The following MAPK14 variants were observed in gnomAD, a reference collection of about 807,000 sequenced individuals.
MAPK14 encodes CSAID-binding protein.
MAPK14 carries 16 observed loss-of-function variants against 49.6 expected under a neutral mutation model. The observed-to-expected ratio is 0.32, with a 90% CI of 0.22 to 0.49. MAPK14 has a LOEUF of 0.49. Ranked by LOEUF, MAPK14 falls within the 20% of genes least tolerant of loss-of-function variation. MAPK14 has a pLI of 0.99. For synonymous variants in MAPK14, 142 were observed against 158.0 expected, an observed-to-expected ratio of 0.90 and a Z score of 0.76; for missense variants, 200 against 441.2, an observed-to-expected ratio of 0.45 and a Z score of 4.90.
At chr6:36,098,267 C>T (rs563527700) in intron 9 of MAPK14, among the ~76,000 whole-genome samples, 2 of 152,150 alleles carry the variant, frequency 1.3e-5, no homozygotes, top group East Asian at 3.9e-4. Flanking sequence ...TTAGAATGAG[C>T]CATAGGAAAA....
At chr6:36,042,915 A>G (rs1763021958) in intron 1 of MAPK14, among the ~76,000 whole-genome samples, 1 of 151,826 alleles carries the variant, frequency 6.6e-6, no homozygotes, top group Non-Finnish European at 1.5e-5. Context: ...GGAGCTCAGG[A>G]TTTCTAAACC....
At chr6:36,099,688 C>G (rs1015577271) in intron 9 of MAPK14, among the ~76,000 whole-genome samples, 2 of 152,146 alleles carry the variant, frequency 1.3e-5, no homozygotes, top group African/African-American at 2.4e-5. Context: ...GCTTATTAAC[C>G]CAGATGCCCA....
intron 7 of MAPK14, 47 bp from the exon 8 acceptor site, chr6:36,076,490 G>T (rs1341141244): frequency 7.3e-7 from 1 of 1,369,184 alleles, no homozygotes; most frequent in Non-Finnish European, 1.0e-6. Context: ...GCCAAGAATT[G>T]TAACAGTGAC....
At chr6:36,084,868 A>C (rs773459970) in intron 8 of MAPK14, among the ~76,000 whole-genome samples, 2 of 152,162 alleles carry the variant, frequency 1.3e-5, no homozygotes, top group Non-Finnish European at 1.5e-5. Context: ...CCCAAGATAC[A>C]TAATCATCAG....
chr6:36,059,355 A>G lies in MAPK14; in HGVS notation c.305+8A>G, dbSNP rs199522158. 4.7e-5 allele frequency: 76 copies of G among 1,607,720 alleles called. No individual in the cohort carries two copies. The highest frequency in any genetic ancestry group is 4.6e-5 in the Non-Finnish European group (54 of 1,174,552). ...GGAGGAATTCAATGATGTGTGAGTA[A>G]ATTTTTTGCATTTGCCTTCCTGGTC... On this transcript the variant is annotated splice_region_variant and intron_variant, in intron 3 of 11. Coordinates refer to ENST00000229794, the MANE Select transcript of MAPK14 (RefSeq NM_139012.3).
At chr6:36,092,007 C>T in intron 8 of MAPK14, 1 of 376,252 alleles carries the variant, frequency 2.7e-6, no homozygotes, top group South Asian at 2.3e-5. Flanking sequence ...TCAGGACGGG[C>T]ACTTCAGATG....
chr6:36,070,361 G>A (rs1359006752), intron 3 of MAPK14, among the ~76,000 whole-genome samples: 4 of 152,172 alleles, frequency 2.6e-5, no homozygotes, highest in Admixed American at 2.0e-4. Context: ...TTGACCTTGA[G>A]TAGATGGCTT....
intron 8 of MAPK14, among the ~76,000 whole-genome samples, chr6:36,088,421 C>A (rs1765076780): frequency 6.6e-6 from 1 of 151,914 alleles, no homozygotes; most frequent in East Asian, 1.9e-4. Context: ...AGGAAAAAAC[C>A]CATTAAAAAG....
intron 3 of MAPK14, among the ~76,000 whole-genome samples, chr6:36,070,779 A>G (rs1764237903): frequency 6.6e-6 from 1 of 152,146 alleles, no homozygotes; most frequent in Non-Finnish European, 1.5e-5. Flanking sequence ...CTCTTGGAGG[A>G]CAGAAAGTAA....
chr6:36,090,077 C>G (rs1306998409), intron 8 of MAPK14, among the ~76,000 whole-genome samples: 1 of 152,150 alleles, frequency 6.6e-6, no homozygotes, highest in African/African-American at 2.4e-5. Flanking sequence ...ATCCACTTGC[C>G]ATCAGTTACT....
At chr6:36,051,272 C>T (rs184723977) in intron 1 of MAPK14, among the ~76,000 whole-genome samples, 141 of 152,018 alleles carry the variant, frequency 9.3e-4, no homozygotes, top group Non-Finnish European at 1.5e-3. Flanking sequence ...CCTGCCACTG[C>T]GCCTAATTTT....
chr6:36,085,235 A>G (rs1764932080), intron 8 of MAPK14, among the ~76,000 whole-genome samples: 1 of 152,220 alleles, frequency 6.6e-6, no homozygotes, highest in African/African-American at 2.4e-5. Flanking sequence ...TTTTACCAGT[A>G]ACACTATGAA....
At chr6:36,033,882 T>G (rs1373650775) in intron 1 of MAPK14, among the ~76,000 whole-genome samples, 1 of 152,212 alleles carries the variant, frequency 6.6e-6, no homozygotes, top group Non-Finnish European at 1.5e-5. Flanking sequence ...TTGCAGTTTA[T>G]AAAGTGTTTT....
intron 1 of MAPK14, among the ~76,000 whole-genome samples, chr6:36,046,653 T>C (rs1220039533): frequency 2.0e-5 from 3 of 152,246 alleles, no homozygotes; most frequent in Non-Finnish European, 4.4e-5. Context: ...TTAATCACTC[T>C]GTTGGAGTAT....
intron 9 of MAPK14, among the ~76,000 whole-genome samples, chr6:36,102,258 C>A (rs559428316): frequency 6.6e-6 from 1 of 152,340 alleles, no homozygotes; most frequent in African/African-American, 2.4e-5. Flanking sequence ...AGGGCTACTT[C>A]TTACATATCT....
chr6:36,062,235 C>G (rs1408722412), intron 3 of MAPK14, among the ~76,000 whole-genome samples: 2 of 152,162 alleles, frequency 1.3e-5, no homozygotes, highest in Non-Finnish European at 1.5e-5. Context: ...CTAGGCCACT[C>G]AAAGTGCTGG....
the MAPK14 span, among the ~76,000 whole-genome samples, chr6:36,118,539 G>C: frequency 6.6e-6 from 1 of 152,170 alleles, no homozygotes; most frequent in Non-Finnish European, 1.5e-5. Flanking sequence ...AGGATTTCTC[G>C]TGGCGTCCAG....
chr6:36,064,386 C>T (rs1198283997), intron 3 of MAPK14, among the ~76,000 whole-genome samples: 1 of 151,144 alleles, frequency 6.6e-6, no homozygotes, highest in Non-Finnish European at 1.5e-5. Flanking sequence ...ACTGAATTGT[C>T]ATGAGTTAAG....
chr6:36,041,801 T>C (rs1762970350), intron 1 of MAPK14, among the ~76,000 whole-genome samples: 1 of 152,222 alleles, frequency 6.6e-6, no homozygotes, highest in South Asian at 2.1e-4. Flanking sequence ...TTAGATTTAC[T>C]GTAGTGAAGG....
Sources: gnomAD v4.1 joint callset for allele counts (sites outside exome capture counted in the v4.1 genomes callset) on GRCh38, gnomAD v4.1.1 for gene constraint, MANE v1.5 for transcripts, NCBI Gene and HGNC (gene_info 2026-07-23, HGNC 2026-07-21) for gene names.